ALCAM: variants seen among roughly 807,000 people sequenced by gnomAD.
ALCAM encodes the protein activated leukocyte cell adhesion molecule.
In ALCAM, 30 loss-of-function variants were observed where a neutral mutation model predicts 70.9. The observed-to-expected ratio is 0.42, with a 90% CI of 0.32 to 0.57. The LOEUF (loss-of-function observed/expected upper bound fraction) is 0.57, where lower values mean the gene tolerates loss of function less well. Among genes scored for constraint, ALCAM ranks in the 20% least tolerant of loss-of-function variants. The probability of loss-of-function intolerance (pLI) is 0.11; values close to 1 mark genes in which losing one functional copy is unlikely to be tolerated. For synonymous variants in ALCAM, 249 were observed against 242.5 expected, an observed-to-expected ratio of 1.03 and a Z score of -0.25; for missense variants, 591 against 695.1, an observed-to-expected ratio of 0.85 and a Z score of 1.68.
intron 11 of ALCAM, among the ~76,000 whole-genome samples, chr3:105,549,528 AT>A (rs1940341289): frequency 6.6e-6 from 1 of 151,468 alleles, no homozygotes; most frequent in Admixed American, 6.6e-5. Flanking sequence ...AGTAAATTGT[AT>A]TTTATATTTG....
chr3:105,456,323 G>A (rs146185175), intron 1 of ALCAM, among the ~76,000 whole-genome samples: 15 of 152,214 alleles, frequency 9.9e-5, no homozygotes, highest in African/African-American at 3.6e-4. Context: ...GAACAGTTGC[G>A]GACTAAGCTC....
chr3:105,490,108 G>T (rs925839481), intron 1 of ALCAM, among the ~76,000 whole-genome samples: 4 of 152,216 alleles, frequency 2.6e-5, no homozygotes, highest in African/African-American at 9.6e-5. Flanking sequence ...AATGTATTAT[G>T]TCTTAGGCTG....
In ALCAM at chr3:105,563,967, G is replaced by A. The variant is rs536222270; in HGVS notation, c.1665-7885G>A. ...CTCCCAAAGTGCTGGGACTACAGGC[G>A]TGAGCCACCGCGCCCGGCCCATTTC... On this transcript the variant is annotated intron_variant, in intron 14 of 15. Transcript: ENST00000306107. Among the ~76,000 whole-genome samples, 205 of 152,042 alleles carry A rather than the reference G, an allele frequency of 1.3e-3. 1 individual carries two copies. The highest frequency in any genetic ancestry group is 0.011 in the East Asian group (57 of 5,172).
intron 2 of ALCAM, among the ~76,000 whole-genome samples, chr3:105,521,307 CAAAAAAAAAA>C (rs3996196): frequency 1.3e-5 from 1 of 78,136 alleles, no homozygotes; most frequent in East Asian, 4.3e-4. Flanking sequence ...GACTCCGTCT[CAAAAAAAAAA>C]AAAAAAAAAA....
chr3:105,393,915 A>G (rs1408072281), intron 1 of ALCAM, among the ~76,000 whole-genome samples: 3 of 151,972 alleles, frequency 2.0e-5, no homozygotes, highest in African/African-American at 7.2e-5. Context: ...TTTGGAATTT[A>G]TATTATCTAA....
At chr3:105,488,831 A>T (rs1938503673) in intron 1 of ALCAM, among the ~76,000 whole-genome samples, 1 of 152,112 alleles carries the variant, frequency 6.6e-6, no homozygotes, top group Admixed American at 6.6e-5. Flanking sequence ...TGATGTGGTA[A>T]ACGGGTCGAT....
chr3:105,522,846 A>C (rs1242188964), intron 2 of ALCAM, among the ~76,000 whole-genome samples: 1 of 152,206 alleles, frequency 6.6e-6, no homozygotes, highest in African/African-American at 2.4e-5. Flanking sequence ...ACTGCATAGA[A>C]AGCCCAAAGA....
intron 1 of ALCAM, among the ~76,000 whole-genome samples, chr3:105,426,610 CCTAT>C (rs1382705470): frequency 6.6e-6 from 1 of 151,874 alleles, no homozygotes; most frequent in Non-Finnish European, 1.5e-5. Flanking sequence ...CCTTATCCCT[CCTAT>C]CTTACTGTAG....
chr3:105,573,160 C>A (rs1489353867), intron 15 of ALCAM, among the ~76,000 whole-genome samples: 2 of 152,054 alleles, frequency 1.3e-5, no homozygotes, highest in Non-Finnish European at 2.9e-5. Context: ...CCCTGCGTCT[C>A]TACTAAAAAT....
At chr3:105,562,632 G>A (rs1312028142) in intron 14 of ALCAM, among the ~76,000 whole-genome samples, 1 of 152,044 alleles carries the variant, frequency 6.6e-6, no homozygotes, top group Non-Finnish European at 1.5e-5. Flanking sequence ...TTTGGTACTA[G>A]AATAATGTGG....
intron 1 of ALCAM, among the ~76,000 whole-genome samples, chr3:105,473,138 A>G (rs994401733): frequency 2.0e-5 from 3 of 151,644 alleles, no homozygotes; most frequent in Admixed American, 1.3e-4. Flanking sequence ...TAACCCATAT[A>G]AAAATAAAGT....
intron 1 of ALCAM, among the ~76,000 whole-genome samples, chr3:105,455,085 T>C (rs1162369067): frequency 6.6e-6 from 1 of 152,182 alleles, no homozygotes; most frequent in Non-Finnish European, 1.5e-5. Context: ...ATACTTATTC[T>C]AAAATGTTAT....
At chr3:105,429,048 C>T (rs979882010) in intron 1 of ALCAM, among the ~76,000 whole-genome samples, 2 of 151,968 alleles carry the variant, frequency 1.3e-5, no homozygotes, top group Admixed American at 6.6e-5. Flanking sequence ...AATCAATAAT[C>T]TATGCCTTCA....
At chr3:105,567,926 C>T (rs1272580573) in intron 14 of ALCAM, among the ~76,000 whole-genome samples, 2 of 151,988 alleles carry the variant, frequency 1.3e-5, no homozygotes, top group Non-Finnish European at 2.9e-5. Flanking sequence ...TCCTAGCAGA[C>T]AATTAGATTA....
chr3:105,412,651 T>C (rs1305074641), intron 1 of ALCAM, among the ~76,000 whole-genome samples: 1 of 152,112 alleles, frequency 6.6e-6, no homozygotes, highest in African/African-American at 2.4e-5. Context: ...TGTTATGCTC[T>C]TCAGAAGAAA....
Position 105,391,467 on chromosome 3 carries a change from G to T in ALCAM, c.73+23986G>T, listed in dbSNP as rs561006398. ...ATTTTGTATCCTGAGACTTTGCTGA[G>T]GTTGCTTATCAGCTTTGGGGCTAAG... On this transcript the variant is annotated intron_variant, in intron 1 of 15. Transcript: ENST00000306107. Among the ~76,000 whole-genome samples, 3 of 151,566 alleles carry T rather than the reference G, an allele frequency of 2.0e-5. No homozygotes were observed. The East Asian group carries it at 5.8e-4, about 29-fold the overall frequency.
chr3:105,524,016 G>A (rs1303335344), intron 2 of ALCAM, among the ~76,000 whole-genome samples: 1 of 151,950 alleles, frequency 6.6e-6, no homozygotes, highest in African/African-American at 2.4e-5. Context: ...TGCAGCCCAT[G>A]TAAGTTTCAA....
chr3:105,498,622 G>A (rs73189060), intron 1 of ALCAM, among the ~76,000 whole-genome samples: 20,077 of 152,108 alleles, frequency 0.13, 1,396 homozygotes, highest in Middle Eastern at 0.18. Context: ...GATTCCAGGA[G>A]TGTTCTGCTT....
intron 1 of ALCAM, among the ~76,000 whole-genome samples, chr3:105,455,663 T>C (rs1006981627): frequency 6.6e-6 from 1 of 152,134 alleles, no homozygotes; most frequent in African/African-American, 2.4e-5. Flanking sequence ...GAAGACATGC[T>C]CACTAGTGTG....
Sources: gnomAD v4.1 joint callset for allele counts (sites outside exome capture counted in the v4.1 genomes callset) on GRCh38, gnomAD v4.1.1 for gene constraint, MANE v1.5 for transcripts, NCBI Gene and HGNC (gene_info 2026-07-23, HGNC 2026-07-21) for gene names.